The following TECRL variants were observed in gnomAD, a reference collection of about 807,000 sequenced individuals.
TECRL encodes the protein trans-2,3-enoyl-CoA reductase-like.
A neutral mutation model predicts 52.8 loss-of-function variants in TECRL; 63 were observed. The ratio of observed to expected loss-of-function variants is 1.19; its 90% CI spans 0.97 to 1.47. The LOEUF (loss-of-function observed/expected upper bound fraction) is 1.47, where lower values mean the gene tolerates loss of function less well. Among genes scored for constraint, TECRL ranks in the 40% most tolerant of loss-of-function variants. The probability of loss-of-function intolerance (pLI) is 0.00; values close to 1 mark genes in which losing one functional copy is unlikely to be tolerated. For synonymous variants in TECRL, 164 were observed against 141.9 expected (o/e 1.16, Z -1.10); for missense variants, 482 against 429.6 (o/e 1.12, Z -1.08).
intron 2 of TECRL, among the ~76,000 whole-genome samples, chr4:64,347,165 C>T (rs1720049355): frequency 6.6e-6 from 1 of 152,164 alleles, no homozygotes; most frequent in Admixed American, 6.6e-5. Context: ...TCATCCTCCA[C>T]TCAATGTCAT....
rs1355071260 is a variant in TECRL, at chr4:64,374,586, G to A, written c.286+586C>T. On this transcript the variant is annotated intron_variant, in intron 2 of 11. Coordinates refer to ENST00000381210, the MANE Select transcript of TECRL (RefSeq NM_001010874.5). ...CTCCCCCCACCCCACCACAGGCCCC[G>A]GTGTGTGATGTTCCCCTTCCTGTGT... Among the ~76,000 whole-genome samples, 16 of 145,770 alleles carry A rather than the reference G, an allele frequency of 1.1e-4. No individual in the cohort carries two copies. In the East Asian group the frequency reaches 1.1e-3, roughly 10 times the overall value.
intron 1 of TECRL, among the ~76,000 whole-genome samples, chr4:64,403,626 T>TA (rs1724512735): frequency 1.3e-5 from 2 of 151,830 alleles, no homozygotes; most frequent in Admixed American, 1.3e-4. Context: ...AAAAAATGAA[T>TA]AAAAGTCAGA....
At position 64,280,340 on chromosome 4, in the gene TECRL, C is replaced by A. The variant is rs1722759194; in HGVS notation, c.965-141G>T. The A allele has an allele frequency of 6.1e-6, 4 of 656,106 alleles. No homozygotes were observed. The South Asian group carries it at 1.8e-4, about 30-fold the overall frequency. The allele number at this position is 656,106 out of a possible 1,614,324, so 40.6% of individuals were successfully genotyped here. The stretch of plus-strand genomic sequence containing the variant: ...TCTTATCAATTTTCATTATTCATAC[C>A]CATTCCCAAGCAATAGCCAATCAAT... On this transcript the variant is annotated intron_variant, in intron 11 of 11. Coordinates refer to ENST00000381210, the MANE Select transcript of TECRL (RefSeq NM_001010874.5).
intron 2 of TECRL, among the ~76,000 whole-genome samples, chr4:64,362,067 A>T (rs1211316552): frequency 3.3e-5 from 5 of 152,204 alleles, no homozygotes; most frequent in Admixed American, 2.6e-4. Context: ...AATAGAAAGC[A>T]TTCATAATAT....
At chr4:64,397,581 A>G (rs954271516) in intron 1 of TECRL, 1 of 151,728 alleles carries the variant, frequency 6.6e-6, no homozygotes, top group Non-Finnish European at 1.5e-5. Context: ...GCCATAAACT[A>G]TGAACCAGGA....
At chr4:64,299,488 A>G (rs73823573) in intron 8 of TECRL, among the ~76,000 whole-genome samples, 31,807 of 150,982 alleles carry the variant, frequency 0.21, 3,494 homozygotes, top group South Asian at 0.28. Flanking sequence ...ATTTCCACAC[A>G]ATTTTATCTA....
intron 2 of TECRL, among the ~76,000 whole-genome samples, chr4:64,362,530 G>T (rs1721271295): frequency 6.6e-6 from 1 of 151,958 alleles, no homozygotes; most frequent in East Asian, 1.9e-4. Context: ...ATACAAACCA[G>T]GAGGGATTGG....
chr4:64,339,963 G>T (rs142626130), intron 2 of TECRL, among the ~76,000 whole-genome samples: 1 of 152,178 alleles, frequency 6.6e-6, no homozygotes, highest in East Asian at 1.9e-4. Context: ...ACTTTACTTT[G>T]CCCTCTTCTC....
At chr4:64,339,550 ATG>A (rs1719396175) in intron 2 of TECRL, among the ~76,000 whole-genome samples, 1 of 151,936 alleles carries the variant, frequency 6.6e-6, no homozygotes, top group Non-Finnish European at 1.5e-5. Context: ...GCTATGTCTA[ATG>A]TTCTTTCCAC....
chr4:64,343,864 G>T (rs909159948), intron 2 of TECRL, among the ~76,000 whole-genome samples: 1 of 151,846 alleles, frequency 6.6e-6, no homozygotes, highest in Non-Finnish European at 1.5e-5. Flanking sequence ...AATAAAGTAT[G>T]AACAAAATGT....
At chr4:64,350,032 G>A (rs1720271310) in intron 2 of TECRL, among the ~76,000 whole-genome samples, 1 of 151,368 alleles carries the variant, frequency 6.6e-6, no homozygotes, top group South Asian at 2.1e-4. Flanking sequence ...TGAATATGGA[G>A]TGTGCTTTTC....
At chr4:64,350,151 T>A (rs1720282359) in intron 2 of TECRL, among the ~76,000 whole-genome samples, 1 of 152,218 alleles carries the variant, frequency 6.6e-6, no homozygotes, top group Non-Finnish European at 1.5e-5. Flanking sequence ...TACCTTAATG[T>A]ATGGCTAAAC....
At chr4:64,373,121 T>C (rs538994122) in intron 2 of TECRL, among the ~76,000 whole-genome samples, 153 of 151,864 alleles carry the variant, frequency 1.0e-3, no homozygotes, top group African/African-American at 3.6e-3. Flanking sequence ...AAAGTGTTTT[T>C]GTGTGTCTTC....
chr4:64,394,866 T>C (rs1220268054), intron 1 of TECRL, among the ~76,000 whole-genome samples: 1 of 150,520 alleles, frequency 6.6e-6, no homozygotes, highest in Non-Finnish European at 1.5e-5. Flanking sequence ...TCATGAAATA[T>C]AAATATTTTC....
intron 9 of TECRL, among the ~76,000 whole-genome samples, chr4:64,283,919 C>A (rs574605446): frequency 1.3e-5 from 2 of 152,110 alleles, no homozygotes; most frequent in Non-Finnish European, 2.9e-5. Flanking sequence ...AAGATCTCCC[C>A]TATCTTTTCT....
At chr4:64,312,492 T>C (rs565234762) in intron 5 of TECRL, among the ~76,000 whole-genome samples, 2 of 152,306 alleles carry the variant, frequency 1.3e-5, no homozygotes, top group East Asian at 1.9e-4. Context: ...GCTGGTGCAG[T>C]GGTGCATGCC....
At chr4:64,328,065 T>C (rs1329394933) in intron 3 of TECRL, among the ~76,000 whole-genome samples, 1 of 151,988 alleles carries the variant, frequency 6.6e-6, no homozygotes, top group Non-Finnish European at 1.5e-5. Flanking sequence ...TTTAAAAATC[T>C]GAGAAATTTG....
intron 2 of TECRL, among the ~76,000 whole-genome samples, chr4:64,367,366 A>T (rs1721671638): frequency 6.6e-6 from 1 of 152,158 alleles, no homozygotes; most frequent in Non-Finnish European, 1.5e-5. Flanking sequence ...AAACCTGCAC[A>T]TGCACCCCCT....
At chr4:64,345,602 A>C (rs1719897753) in intron 2 of TECRL, among the ~76,000 whole-genome samples, 1 of 150,984 alleles carries the variant, frequency 6.6e-6, no homozygotes, top group Admixed American at 6.6e-5. Flanking sequence ...CTAATGTTAA[A>C]TGATGAGTTA....
Sources: allele counts gnomAD v4.1 joint callset (sites outside exome capture counted in the v4.1 genomes callset), GRCh38; gene constraint gnomAD v4.1.1; transcripts MANE v1.5; gene names NCBI Gene and HGNC (gene_info 2026-07-23, HGNC 2026-07-21).